Variants in NBAS observed in about 807,000 individuals in gnomAD.
The protein encoded by NBAS is NAG/BC035112 fusion.
In NBAS, 219 loss-of-function variants were observed where a neutral mutation model predicts 302.5. The observed-to-expected ratio is 0.72, with a 90% confidence interval of 0.65 to 0.81. NBAS has a LOEUF of 0.81. NBAS is among the 30% of genes least tolerant of loss of function. The probability of loss-of-function intolerance (pLI) is 0.00; values close to 1 mark genes in which losing one functional copy is unlikely to be tolerated. For missense variants in NBAS, 2,932 were observed against 2,841.6 expected, an observed-to-expected ratio of 1.03 and a Z score of -0.72; for synonymous variants, 1,118 against 1,021.6, an observed-to-expected ratio of 1.09 and a Z score of -1.80.
At chr2:15,013,289 A>G in the NBAS span, among the ~76,000 whole-genome samples, 2 of 152,228 alleles carry the variant, frequency 1.3e-5, no homozygotes, top group Admixed American at 6.5e-5. Context: ...GGTTTGTCCA[A>G]TAAACAAAAA....
the NBAS span, among the ~76,000 whole-genome samples, chr2:15,111,200 T>C: frequency 2.6e-5 from 4 of 152,122 alleles, no homozygotes; most frequent in Admixed American, 2.0e-4. Flanking sequence ...CCATGGAATG[T>C]AGTATAAGAT....
the NBAS span, among the ~76,000 whole-genome samples, chr2:14,837,509 A>C: frequency 6.7e-6 from 1 of 150,344 alleles, no homozygotes; most frequent in Admixed American, 6.6e-5. Flanking sequence ...TTCAATACTT[A>C]TCTGGTAGAA....
At chr2:14,838,056 T>G in the NBAS span, among the ~76,000 whole-genome samples, 16 of 151,848 alleles carry the variant, frequency 1.1e-4, no homozygotes, top group African/African-American at 3.9e-4. Context: ...GGAGCTGGTT[T>G]GTTTGTTTGT....
At chr2:15,355,352 C>T (rs1029780880) in intron 33 of NBAS, among the ~76,000 whole-genome samples, 4 of 152,168 alleles carry the variant, frequency 2.6e-5, no homozygotes, top group African/African-American at 7.2e-5. Context: ...ACAAAACTCC[C>T]TATCACACTG....
At chr2:15,383,356 A>C in intron 28 of NBAS, 39 bp from the exon 29 acceptor site, 1 of 1,566,178 alleles carries the variant, frequency 6.4e-7, no homozygotes, top group Non-Finnish European at 8.8e-7. Context: ...AGAGGGAAAG[A>C]AAACAATTAA....
At chr2:15,147,723 T>C in the NBAS span, among the ~76,000 whole-genome samples, 1 of 152,092 alleles carries the variant, frequency 6.6e-6, no homozygotes, top group Non-Finnish European at 1.5e-5. Context: ...CAAATGTGGC[T>C]CTAAGGACCG....
intron 9 of NBAS, among the ~76,000 whole-genome samples, chr2:15,529,440 C>G (rs1392929430): frequency 6.6e-6 from 1 of 152,016 alleles, no homozygotes; most frequent in Non-Finnish European, 1.5e-5. Flanking sequence ...CTGCAGTAAG[C>G]CAAAATCACG....
chr2:15,028,703 T>C, the NBAS span, among the ~76,000 whole-genome samples: 1 of 152,158 alleles, frequency 6.6e-6, no homozygotes, highest in Admixed American at 6.5e-5. Flanking sequence ...TTCCCTCTCC[T>C]AGAACACCCT....
At chr2:14,811,593 A>T in the NBAS span, among the ~76,000 whole-genome samples, 1 of 152,210 alleles carries the variant, frequency 6.6e-6, no homozygotes, top group African/African-American at 2.4e-5. Flanking sequence ...GCAGCCAAAC[A>T]TCATGCAATG....
the NBAS span, among the ~76,000 whole-genome samples, chr2:14,785,974 T>A: frequency 4.6e-5 from 7 of 152,224 alleles, no homozygotes; most frequent in Admixed American, 2.0e-4. Context: ...GTTGGTAAGC[T>A]ATTGATTATT....
chr2:15,217,420 G>A (rs563639823), intron 48 of NBAS, among the ~76,000 whole-genome samples: 3 of 152,256 alleles, frequency 2.0e-5, no homozygotes, highest in South Asian at 2.1e-4. Context: ...AAAGATATTC[G>A]TGATGAGGCC....
chr2:15,245,416 A>G (rs145411005), intron 44 of NBAS, among the ~76,000 whole-genome samples: 359 of 152,228 alleles, frequency 2.4e-3, no homozygotes, highest in African/African-American at 6.9e-3. Flanking sequence ...CAAAAATGTC[A>G]TCTTATCCGA....
At chr2:14,932,030 C>G in the NBAS span, among the ~76,000 whole-genome samples, 2 of 152,148 alleles carry the variant, frequency 1.3e-5, no homozygotes, top group Non-Finnish European at 2.9e-5. Context: ...TAGGATTATA[C>G]GTATCACCTT....
At chr2:14,990,909 A>G in the NBAS span, among the ~76,000 whole-genome samples, 2,283 of 152,324 alleles carry the variant, frequency 0.015, 56 homozygotes, top group African/African-American at 0.051. Flanking sequence ...GAAGAAATAG[A>G]CAATGGTGAC....
At chr2:14,964,050 C>G in the NBAS span, among the ~76,000 whole-genome samples, 3 of 152,288 alleles carry the variant, frequency 2.0e-5, no homozygotes, top group African/African-American at 7.2e-5. Context: ...AGCAACTTAG[C>G]TTATTCTAAC....
At chr2:15,175,554 G>C (rs1054739850) in intron 51 of NBAS, among the ~76,000 whole-genome samples, 16 of 152,178 alleles carry the variant, frequency 1.1e-4, no homozygotes, top group African/African-American at 3.6e-4. Context: ...GCCCATCTTA[G>C]AGAGAATACG....
At chr2:15,293,151 T>C (rs995476176) in intron 40 of NBAS, among the ~76,000 whole-genome samples, 4 of 152,196 alleles carry the variant, frequency 2.6e-5, no homozygotes, top group African/African-American at 9.6e-5. Flanking sequence ...TTCATCGCCA[T>C]TGCCTCTGGA....
At chr2:15,280,603 A>T (rs1369486485) in intron 42 of NBAS, among the ~76,000 whole-genome samples, 1 of 152,240 alleles carries the variant, frequency 6.6e-6, no homozygotes, top group Non-Finnish European at 1.5e-5. Flanking sequence ...TTCTGAGTTG[A>T]GTCTTTCAAG....
At chr2:14,964,050 C>T in the NBAS span, among the ~76,000 whole-genome samples, 2 of 152,170 alleles carry the variant, frequency 1.3e-5, no homozygotes, top group East Asian at 1.9e-4. Context: ...AGCAACTTAG[C>T]TTATTCTAAC....
Sources: allele counts gnomAD v4.1 joint callset (sites outside exome capture counted in the v4.1 genomes callset), GRCh38; gene constraint gnomAD v4.1.1; transcripts MANE v1.5; gene names NCBI Gene and HGNC (gene_info 2026-07-23, HGNC 2026-07-21).